COL5A2: variants seen among roughly 807,000 people sequenced by gnomAD.
COL5A2 encodes collagen type V alpha 2 chain, also known as collagen alpha-2(V) chain.
COL5A2 carries 23 observed loss-of-function variants against 208.2 expected under a neutral mutation model. The ratio of observed to expected loss-of-function variants is 0.11; its 90% confidence interval spans 0.08 to 0.16. COL5A2 has a LOEUF of 0.16. Ranked by LOEUF, COL5A2 falls within the 10% of genes least tolerant of loss-of-function variation. COL5A2 has a pLI of 1.00. For synonymous variants in COL5A2, 625 were observed against 628.5 expected, an observed-to-expected ratio of 0.99 and a Z score of 0.08; for missense variants, 1,590 against 1,956.4, an observed-to-expected ratio of 0.81 and a Z score of 3.53.
At chr2:189,437,953 C>T in the COL5A2 span, among the ~76,000 whole-genome samples, 1 of 151,710 alleles carries the variant, frequency 6.6e-6, no homozygotes, top group Non-Finnish European at 1.5e-5. Flanking sequence ...TGACTAAATC[C>T]TTCTCACTAA....
the COL5A2 span, among the ~76,000 whole-genome samples, chr2:189,397,271 C>A: frequency 6.6e-6 from 1 of 152,110 alleles, no homozygotes; most frequent in Non-Finnish European, 1.5e-5. Context: ...ATTCAACAAA[C>A]CTTTATTGAC....
chr2:189,337,430 C>T, the COL5A2 span, among the ~76,000 whole-genome samples: 1 of 152,068 alleles, frequency 6.6e-6, no homozygotes, highest in Non-Finnish European at 1.5e-5. Context: ...GATCCGCCCG[C>T]CTCGGCCTCC....
Position 189,040,702 on chromosome 2 carries a change from C to T in COL5A2, c.3633+884G>A, listed in dbSNP as rs139516888. ...TCTAAGGTCATATACTGAGTTCATG[C>T]GTTCCTTTATACTAATTTTAAGAGA... is the stretch of plus-strand genomic sequence containing the variant. On this transcript the variant is annotated intron_variant, in intron 50 of 53. Coordinates refer to ENST00000374866, the MANE Select transcript of COL5A2 (RefSeq NM_000393.5). Among the ~76,000 whole-genome samples the T allele has an allele frequency of 5.9e-5, 9 of 152,172 alleles. No homozygotes were observed. In the East Asian group the frequency reaches 9.7e-4, roughly 16 times the overall value.
the COL5A2 span, among the ~76,000 whole-genome samples, chr2:189,272,154 T>A: frequency 1.0e-3 from 158 of 152,266 alleles, 2 homozygotes; most frequent in East Asian, 0.026. Flanking sequence ...AGCAATCCCA[T>A]TACTGGGCAT....
chr2:189,097,217 G>A, intron 6 of COL5A2, 60 bp downstream of exon 6: 4 of 1,529,174 alleles, frequency 2.6e-6, no homozygotes, highest in Middle Eastern at 1.7e-4. Context: ...TGCATTCAGA[G>A]AACACAGTGT....
At chr2:189,057,216 A>G in intron 34 of COL5A2, 104 bp downstream of exon 34, 1 of 1,028,602 alleles carries the variant, frequency 9.7e-7, no homozygotes, top group Non-Finnish European at 1.5e-6. Flanking sequence ...ATGACTAGTG[A>G]CTCAGGATGG....
chr2:189,275,428 T>G, the COL5A2 span, among the ~76,000 whole-genome samples: 1 of 150,602 alleles, frequency 6.6e-6, no homozygotes, highest in East Asian at 2.0e-4. Context: ...ATGGAGTATC[T>G]TTTTAATTAC....
intron 17 of COL5A2, among the ~76,000 whole-genome samples, chr2:189,073,448 T>C (rs1455012469): frequency 6.6e-6 from 1 of 152,192 alleles, no homozygotes; most frequent in East Asian, 1.9e-4. Flanking sequence ...TCCACATTGA[T>C]GACCCTGTGA....
rs1259643808 is a variant in COL5A2, at chr2:189,049,554, T to C, written c.3040-100A>G. The C allele has an allele frequency of 2.8e-5, 24 of 857,342 alleles. No homozygotes were observed. In the Admixed American group the frequency reaches 4.8e-4, roughly 17 times the overall value. The allele number at this position is 857,342 out of a possible 1,614,324, so 53.1% of individuals were successfully genotyped here. A position where few individuals can be genotyped will look rare whatever the true frequency, so the allele number is the denominator to read the frequency against. On this transcript the variant is annotated intron_variant, in intron 43 of 53. Transcript: ENST00000374866. ...CAAAATGGTGCCTCTGGGCTCCTTCTATAATAATAATTTTGCATTATCTTA... is the reference window on the plus strand; with the variant it reads ...CAAAATGGTGCCTCTGGGCTCCTTCCATAATAATAATTTTGCATTATCTTA...
chr2:189,034,798 C>T (rs1685409147), intron 53 of COL5A2, 118 bp downstream of exon 53: 3 of 1,151,754 alleles, frequency 2.6e-6, no homozygotes, highest in Middle Eastern at 2.1e-4. Flanking sequence ...TATAAACAAA[C>T]TGCTATTATG....
the COL5A2 span, among the ~76,000 whole-genome samples, chr2:189,252,854 T>G: frequency 2.0e-5 from 3 of 152,196 alleles, no homozygotes; most frequent in African/African-American, 7.2e-5. Flanking sequence ...TATTTTAGTA[T>G]AGCTGGGACA....
At chr2:189,057,290 GAAAAAAA>G in intron 34 of COL5A2, 23 bp downstream of exon 34, 3 of 709,908 alleles carry the variant, frequency 4.2e-6, no homozygotes, top group Non-Finnish European at 6.4e-6. Context: ...TAAATGAACT[GAAAAAAA>G]AAAAAAAAAA....
the COL5A2 span, among the ~76,000 whole-genome samples, chr2:189,274,719 AAG>A: frequency 6.6e-6 from 1 of 152,184 alleles, no homozygotes; most frequent in African/African-American, 2.4e-5. Flanking sequence ...TTGTATCAAA[AAG>A]AGAATTACCA....
intron 1 of COL5A2, among the ~76,000 whole-genome samples, chr2:189,154,959 C>A (rs1417136673): frequency 2.6e-5 from 4 of 151,750 alleles, no homozygotes; most frequent in Non-Finnish European, 5.9e-5. Context: ...TAATAAGGTC[C>A]CTAAAGTATC....
At chr2:189,292,539 C>G in the COL5A2 span, among the ~76,000 whole-genome samples, 1 of 152,142 alleles carries the variant, frequency 6.6e-6, no homozygotes, top group Admixed American at 6.5e-5. Flanking sequence ...AAATGCAAAT[C>G]AAAACCACAA....
chr2:189,057,235 A>G, intron 34 of COL5A2, 85 bp downstream of exon 34: 1 of 1,100,316 alleles, frequency 9.1e-7, no homozygotes, highest in Non-Finnish European at 1.3e-6. Flanking sequence ...GGTAGAAATA[A>G]AAGCCTGCTC....
chr2:189,109,179 C>T lies in COL5A2; in HGVS notation c.322+1046G>A, dbSNP rs148697081. On this transcript the variant is annotated intron_variant, in intron 2 of 53. Transcript: ENST00000374866. ...TTGGTGTGTTTTCTGATATTTGCCA[C>T]CATTGTTCCCATTTGCTATTCACTT... is the stretch of plus-strand genomic sequence containing the variant. Among the ~76,000 whole-genome samples, 320 of 152,008 alleles carry T rather than the reference C, an allele frequency of 2.1e-3. 1 individual carries two copies. Among genetic ancestry groups the T allele is most frequent in the African/African-American group, 7.5e-3 (312 of 41,498 alleles).
the COL5A2 span, among the ~76,000 whole-genome samples, chr2:189,243,665 C>A: frequency 6.6e-6 from 1 of 152,128 alleles, no homozygotes; most frequent in Admixed American, 6.5e-5. Context: ...ATCTCATATC[C>A]TCACATTTCA....
chr2:189,368,198 A>G, the COL5A2 span, among the ~76,000 whole-genome samples: 1 of 152,332 alleles, frequency 6.6e-6, no homozygotes, highest in East Asian at 1.9e-4. Flanking sequence ...ACAGAAAAAG[A>G]TAAGTTCCCT....
Sources: gnomAD v4.1 joint callset for allele counts (sites outside exome capture counted in the v4.1 genomes callset) on GRCh38, gnomAD v4.1.1 for gene constraint, MANE v1.5 for transcripts, NCBI Gene and HGNC (gene_info 2026-07-23, HGNC 2026-07-21) for gene names.